Variants in PITPNB observed in about 807,000 individuals in gnomAD.
PITPNB encodes phosphatidylinositol transfer protein beta.
In PITPNB, 16 loss-of-function variants were observed where a neutral mutation model predicts 45.9. The observed-to-expected ratio is 0.35, with a 90% CI of 0.24 to 0.53. The LOEUF (loss-of-function observed/expected upper bound fraction) is 0.53. Among genes scored for constraint, PITPNB ranks in the 20% least tolerant of loss-of-function variants. The pLI, the probability that PITPNB is intolerant of heterozygous loss-of-function variation, is 0.93. For missense variants in PITPNB, 188 were observed against 330.5 expected (o/e 0.57, Z 3.34); for synonymous variants, 112 against 108.9 (o/e 1.03, Z -0.18).
intron 1 of PITPNB, among the ~76,000 whole-genome samples, chr22:27,918,786 G>C (rs1415274033): frequency 6.6e-6 from 1 of 152,170 alleles, no homozygotes; most frequent in Non-Finnish European, 1.5e-5. Context: ...CAGAACCAAC[G>C]TGTCTCTCCC....
At chr22:27,869,770 A>G (rs1325725746) in intron 8 of PITPNB, among the ~76,000 whole-genome samples, 1 of 152,208 alleles carries the variant, frequency 6.6e-6, no homozygotes, top group African/African-American at 2.4e-5. Context: ...ACTTAACATT[A>G]TTTCACTCAG....
chr22:27,883,775 G>T (rs1935039208), intron 7 of PITPNB, among the ~76,000 whole-genome samples: 1 of 152,216 alleles, frequency 6.6e-6, no homozygotes, highest in South Asian at 2.1e-4. Context: ...AACTGGACTA[G>T]TGGACAGACC....
Position 27,919,169 on chromosome 22 carries a change from C to T in PITPNB, c.20+3G>A, listed in dbSNP as rs1936197757. 6.2e-6 allele frequency: 10 copies of T among 1,614,066 alleles called. No individual in the cohort carries two copies. Among genetic ancestry groups the T allele is most frequent in the Non-Finnish European group, 8.5e-6 (10 of 1,179,934 alleles). Reference sequence around the variant, plus strand: ...CCTCGCTCGCGCCCACAGACCCACTCACAATTCCTTGATCAGCACCATCTT... The same window carrying T: ...CCTCGCTCGCGCCCACAGACCCACTTACAATTCCTTGATCAGCACCATCTT... On this transcript the variant is annotated splice_donor_region_variant and intron_variant, in intron 1 of 11. Transcript: ENST00000335272.
At chr22:27,868,303 A>G (rs1934543560) in intron 8 of PITPNB, among the ~76,000 whole-genome samples, 1 of 152,306 alleles carries the variant, frequency 6.6e-6, no homozygotes, top group South Asian at 2.1e-4. Flanking sequence ...CTATCTCAAA[A>G]GAGATTTCCA....
Position 27,872,093 on chromosome 22 carries a change from T to G in PITPNB, c.534+1645A>C, listed in dbSNP as rs865969655. 4.9e-3 allele frequency among the ~76,000 whole-genome samples: 628 copies of G among 127,304 alleles called. 2 individuals are homozygous for G. The highest frequency in any genetic ancestry group is 6.9e-3 in the Non-Finnish European group (426 of 61,302). 83.5% of individuals were successfully genotyped at this position (127,304 alleles called of 152,430 possible). On this transcript the variant is annotated intron_variant, in intron 8 of 11. Transcript: ENST00000335272. ...CCAATTAAGCCTGGTTTTTTTTTTTTTTTTTTTTTTTTTTTTTTGGGACGG... is the reference window on the plus strand; with the variant it reads ...CCAATTAAGCCTGGTTTTTTTTTTTGTTTTTTTTTTTTTTTTTTGGGACGG...
intron 3 of PITPNB, among the ~76,000 whole-genome samples, chr22:27,905,180 A>G (rs928146087): frequency 6.6e-6 from 1 of 152,066 alleles, no homozygotes; most frequent in African/African-American, 2.4e-5. Flanking sequence ...ACGGAGTCTC[A>G]CTCTTGTCTC....
Position 27,860,559 on chromosome 22 carries a change from C to T in PITPNB, c.535-318G>A, listed in dbSNP as rs1187431452. On this transcript the variant is annotated intron_variant, in intron 8 of 11. Coordinates refer to ENST00000335272, the MANE Select transcript of PITPNB (RefSeq NM_012399.5). Reference sequence around the variant, plus strand: ...CATCAAACCAATAGTGTCTTTAATACATAAGGGTTCTCATAACACCATTAC... The same window carrying T: ...CATCAAACCAATAGTGTCTTTAATATATAAGGGTTCTCATAACACCATTAC... 2.6e-5 allele frequency: 5 copies of T among 193,370 alleles called. No homozygotes were observed. In the East Asian group the frequency reaches 3.6e-4, roughly 14 times the overall value. 12.0% of individuals were successfully genotyped at this position (193,370 alleles called of 1,614,324 possible). A position where few individuals can be genotyped will look rare whatever the true frequency, so the allele number is the denominator to read the frequency against.
intron 3 of PITPNB, among the ~76,000 whole-genome samples, chr22:27,900,724 T>C (rs1338409689): frequency 2.0e-5 from 3 of 152,210 alleles, no homozygotes; most frequent in Non-Finnish European, 4.4e-5. Flanking sequence ...AACCTTAATA[T>C]ATTCCTAACA....
chr22:27,901,110 T>C (rs1935578796), intron 3 of PITPNB, among the ~76,000 whole-genome samples: 1 of 152,178 alleles, frequency 6.6e-6, no homozygotes, highest in African/African-American at 2.4e-5. Context: ...TACCTCAAGG[T>C]AAACATGGCT....
At chr22:27,891,460 A>G in intron 7 of PITPNB, among the ~76,000 whole-genome samples, 1 of 152,232 alleles carries the variant, frequency 6.6e-6, no homozygotes, top group South Asian at 2.1e-4. Flanking sequence ...AATTACAGCT[A>G]GCATTTACTG....
intron 8 of PITPNB, among the ~76,000 whole-genome samples, chr22:27,865,118 A>AT (rs895569323): frequency 2.8e-4 from 42 of 152,270 alleles, no homozygotes; most frequent in Non-Finnish European, 4.4e-4. Flanking sequence ...ACTACAACTA[A>AT]TTTTTTTCTT....
At chr22:27,891,544 A>G (rs1935279454) in intron 7 of PITPNB, among the ~76,000 whole-genome samples, 1 of 152,178 alleles carries the variant, frequency 6.6e-6, no homozygotes, top group Non-Finnish European at 1.5e-5. Flanking sequence ...TGTAATTAAC[A>G]CATGTCAAGG....
intron 9 of PITPNB, among the ~76,000 whole-genome samples, chr22:27,858,888 T>G (rs1301255871): frequency 2.0e-5 from 3 of 152,204 alleles, no homozygotes; most frequent in African/African-American, 7.2e-5. Context: ...CTATATATTG[T>G]CATTCTTAAC....
chr22:27,898,036 C>A, intron 3 of PITPNB, 144 bp from the exon 4 acceptor site: 3 of 616,328 alleles, frequency 4.9e-6, no homozygotes, highest in Admixed American at 2.7e-5. Flanking sequence ...CTAAAGTAAT[C>A]CAGTAGAAAT....
At chr22:27,855,183 T>TA (rs757409549) in intron 10 of PITPNB, among the ~76,000 whole-genome samples, 6 of 152,176 alleles carry the variant, frequency 3.9e-5, no homozygotes, top group Non-Finnish European at 8.8e-5. Context: ...TGCAGACTGA[T>TA]AAAAAATTAT....
At chr22:27,861,929 C>A (rs9620742) in intron 8 of PITPNB, among the ~76,000 whole-genome samples, 5,542 of 152,248 alleles carry the variant, frequency 0.036, 152 homozygotes, top group African/African-American at 0.069. Flanking sequence ...CAGTTTTGAA[C>A]AAATTGCCTC....
chr22:27,892,349 A>G, intron 7 of PITPNB, among the ~76,000 whole-genome samples: 1 of 152,180 alleles, frequency 6.6e-6, no homozygotes, highest in Middle Eastern at 3.2e-3. Context: ...AGGAACAAAG[A>G]ATTTTTATGC....
Position 27,852,909 on chromosome 22 carries a change from G to C in PITPNB, c.*793C>G, listed in dbSNP as rs1934064211. ...CATCTCCATTTTTGCTAGGTTTGAT[G>C]TAGAAAAATATTTGAAATTTAAAAT... On this transcript the variant is annotated 3_prime_UTR_variant, in exon 12 of 12. Coordinates refer to ENST00000335272, the MANE Select transcript of PITPNB (RefSeq NM_012399.5). The C allele has an allele frequency of 6.6e-6, 1 of 152,594 alleles. No homozygotes were observed. Among genetic ancestry groups the C allele is most frequent in the Non-Finnish European group, 1.5e-5 (1 of 68,036 alleles). 9.5% of individuals were successfully genotyped at this position (152,594 alleles called of 1,614,324 possible). A position where few individuals can be genotyped will look rare whatever the true frequency, so the allele number is the denominator to read the frequency against.
chr22:27,864,960 A>G (rs1402804739), intron 8 of PITPNB, among the ~76,000 whole-genome samples: 1 of 152,156 alleles, frequency 6.6e-6, no homozygotes. Context: ...AAAAAGAAAA[A>G]AAAAGAAAAA....
Sources: gnomAD v4.1 joint callset for allele counts (sites outside exome capture counted in the v4.1 genomes callset) on GRCh38, gnomAD v4.1.1 for gene constraint, MANE v1.5 for transcripts, NCBI Gene and HGNC (gene_info 2026-07-23, HGNC 2026-07-21) for gene names.